The following DCDC1 variants were observed in gnomAD, a reference collection of about 807,000 sequenced individuals.
The protein encoded by DCDC1 is doublecortin domain-containing protein 1.
A neutral mutation model predicts 178.3 loss-of-function variants in DCDC1; 200 were observed. The observed-to-expected ratio is 1.12, with a 90% CI of 1.00 to 1.26. The LOEUF (loss-of-function observed/expected upper bound fraction) is 1.26, where lower values mean the gene tolerates loss of function less well. Among genes scored for constraint, DCDC1 ranks in the 50% most tolerant of loss-of-function variants. DCDC1 has a pLI of 0.00. For synonymous variants in DCDC1, 690 were observed against 604.8 expected (o/e 1.14, Z -2.07); for missense variants, 1,983 against 1,749.2 (o/e 1.13, Z -2.38).
At chr11:31,145,324 A>G (rs1181472273) in intron 9 of DCDC1, among the ~76,000 whole-genome samples, 1 of 152,250 alleles carries the variant, frequency 6.6e-6, no homozygotes, top group Non-Finnish European at 1.5e-5. Context: ...GATGGAGTCC[A>G]TACCAGATGG....
intron 9 of DCDC1, among the ~76,000 whole-genome samples, chr11:31,240,229 C>T (rs1466615251): frequency 1.3e-5 from 2 of 151,824 alleles, no homozygotes; most frequent in African/African-American, 4.8e-5. Flanking sequence ...ATAATTTAAT[C>T]TAAATGCAAT....
intron 9 of DCDC1, among the ~76,000 whole-genome samples, chr11:31,211,498 G>A (rs960186955): frequency 2.6e-5 from 4 of 152,150 alleles, no homozygotes; most frequent in African/African-American, 9.7e-5. Flanking sequence ...GGATTTGAGA[G>A]TTAATTTCAA....
chr11:31,091,561 C>CAGAAAAT (rs1565271749), intron 16 of DCDC1, 50 bp from the exon 17 acceptor site: 1 of 698,086 alleles, frequency 1.4e-6, no homozygotes. Context: ...TTAAAAGAAC[C>CAGAAAAT]AGAAAATTCA....
At chr11:31,294,627 A>AG (rs1565565976) in intron 6 of DCDC1, among the ~76,000 whole-genome samples, 9 of 1,780 alleles carry the variant, frequency 5.1e-3, no homozygotes, top group East Asian at 0.12. Flanking sequence ...AGGGGAGGGG[A>AG]GGGAGGGAAG....
intron 38 of DCDC1, among the ~76,000 whole-genome samples, chr11:30,868,652 T>A (rs1314503836): frequency 1.3e-5 from 2 of 152,262 alleles, no homozygotes; most frequent in East Asian, 3.9e-4. Flanking sequence ...ACAGAGGATG[T>A]GAGAAGCAGT....
chr11:30,943,857 G>C lies in DCDC1; in HGVS notation c.2715+8588C>G, dbSNP rs1057434066. 9 of 294,276 alleles carry C rather than the reference G, an allele frequency of 3.1e-5. No individual in the cohort carries two copies. In the Admixed American group the frequency reaches 4.1e-4, roughly 13 times the overall value. The allele number at this position is 294,276 out of a possible 1,614,324, so 18.2% of individuals were successfully genotyped here. A position where few individuals can be genotyped will look rare whatever the true frequency, so the allele number is the denominator to read the frequency against. ...GGACAGCATGAAATCAGTTCTCAAA[G>C]CAGCTGTCACCACTGAGAGGTACAT... is the stretch of plus-strand genomic sequence containing the variant. On this transcript the variant is annotated intron_variant, in intron 21 of 38. Transcript: ENST00000684477.
At chr11:31,293,636 G>A (rs1229976061) in intron 6 of DCDC1, among the ~76,000 whole-genome samples, 2 of 152,130 alleles carry the variant, frequency 1.3e-5, no homozygotes, top group Non-Finnish European at 2.9e-5. Flanking sequence ...TAAATTCCAT[G>A]AAAAACAGTA....
intron 1 of DCDC1, among the ~76,000 whole-genome samples, chr11:31,357,735 CAA>C (rs1255700626): frequency 6.6e-6 from 1 of 152,076 alleles, no homozygotes; most frequent in Non-Finnish European, 1.5e-5. Flanking sequence ...GCAACTTCAG[CAA>C]AGTCTCAGGA....
Position 30,912,697 on chromosome 11 carries a change from A to G in DCDC1, c.3654-1277T>C, listed in dbSNP as rs546645124. Among the ~76,000 whole-genome samples, 212 of 152,274 alleles carry G rather than the reference A, an allele frequency of 1.4e-3. 1 individual carries two copies. Among genetic ancestry groups the G allele is most frequent in the African/African-American group, 4.5e-3 (186 of 41,562 alleles). On this transcript the variant is annotated intron_variant, in intron 27 of 38. Coordinates refer to ENST00000684477, the MANE Select transcript of DCDC1 (RefSeq NM_001387274.1). ...CTGCTCTGCAATTCAGTGGAATGGA[A>G]CCATACCTTTTTTAATGAGTCCTGA...
intron 9 of DCDC1, among the ~76,000 whole-genome samples, chr11:31,175,150 G>A (rs369395901): frequency 2.0e-5 from 3 of 152,278 alleles, no homozygotes; most frequent in East Asian, 3.9e-4. Flanking sequence ...TGGCATCTCC[G>A]AGCTTCCGGA....
chr11:31,066,230 C>T (rs1956241577), intron 18 of DCDC1, among the ~76,000 whole-genome samples: 1 of 152,182 alleles, frequency 6.6e-6, no homozygotes, highest in Non-Finnish European at 1.5e-5. Flanking sequence ...AAGTAATACA[C>T]TTGGAGGCTA....
chr11:31,196,799 A>C (rs1432286093), intron 9 of DCDC1, among the ~76,000 whole-genome samples: 1 of 152,034 alleles, frequency 6.6e-6, no homozygotes, highest in Non-Finnish European at 1.5e-5. Flanking sequence ...GTCAATCTCC[A>C]ACTCCTCCCC....
intron 17 of DCDC1, among the ~76,000 whole-genome samples, chr11:31,087,467 T>G (rs1023041491): frequency 6.6e-6 from 1 of 152,128 alleles, no homozygotes; most frequent in Non-Finnish European, 1.5e-5. Context: ...CTTCTTTTCT[T>G]ACACAGACAT....
At chr11:31,190,337 CAG>C (rs898400394) in intron 9 of DCDC1, among the ~76,000 whole-genome samples, 2 of 152,024 alleles carry the variant, frequency 1.3e-5, no homozygotes, top group Admixed American at 6.6e-5. Context: ...TTATAAATAA[CAG>C]GGCAAAAATT....
intron 20 of DCDC1, among the ~76,000 whole-genome samples, chr11:31,032,571 G>A (rs1381665973): frequency 6.6e-6 from 1 of 151,534 alleles, no homozygotes; most frequent in Non-Finnish European, 1.5e-5. Flanking sequence ...AAAAAAAATT[G>A]TAGGGAAAAA....
At chr11:31,164,272 C>T (rs755056903) in intron 9 of DCDC1, among the ~76,000 whole-genome samples, 11 of 152,066 alleles carry the variant, frequency 7.2e-5, no homozygotes, top group Non-Finnish European at 1.5e-4. Context: ...CTCCTAGTGA[C>T]ACTGTAGCAA....
At chr11:30,930,573 A>G (rs1300084820) in intron 22 of DCDC1, among the ~76,000 whole-genome samples, 3 of 152,164 alleles carry the variant, frequency 2.0e-5, no homozygotes, top group African/African-American at 7.2e-5. Context: ...GCAGCACAGC[A>G]TTTCACATAT....
chr11:30,983,488 AC>A (rs1345603359), intron 20 of DCDC1, among the ~76,000 whole-genome samples: 1 of 152,234 alleles, frequency 6.6e-6, no homozygotes, highest in Non-Finnish European at 1.5e-5. Flanking sequence ...TATAACTTTT[AC>A]AAAAATAATA....
intron 13 of DCDC1, among the ~76,000 whole-genome samples, chr11:31,105,150 A>C (rs1012912479): frequency 6.6e-6 from 1 of 152,054 alleles, no homozygotes; most frequent in African/African-American, 2.4e-5. Flanking sequence ...TATGGTAGCA[A>C]AATGCTGTAA....
Sources: allele counts gnomAD v4.1 joint callset (sites outside exome capture counted in the v4.1 genomes callset), GRCh38; gene constraint gnomAD v4.1.1; transcripts MANE v1.5; gene names NCBI Gene and HGNC (gene_info 2026-07-23, HGNC 2026-07-21).